C3orf22: variants seen among roughly 807,000 people sequenced by gnomAD.
C3orf22 encodes uncharacterized protein C3orf22.
Under a neutral mutation model 10.8 loss-of-function variants are expected in C3orf22, and 7 were observed. The ratio of observed to expected loss-of-function variants is 0.65; its 90% CI spans 0.37 to 1.22. The LOEUF (loss-of-function observed/expected upper bound fraction) is 1.22, where lower values mean the gene tolerates loss of function less well. Among genes scored for constraint, C3orf22 ranks in the 50% most tolerant of loss-of-function variants. The probability of loss-of-function intolerance (pLI) is 0.02; values close to 1 mark genes in which losing one functional copy is unlikely to be tolerated. For missense variants in C3orf22, 173 were observed against 177.0 expected (o/e 0.98, Z 0.13); for synonymous variants, 79 against 78.9 (o/e 1.00, Z 0.00).
chr3:126,542,275 G>T, intron 4 of C3orf22: 1 of 1,562,492 alleles, frequency 6.4e-7, no homozygotes. Flanking sequence ...GGCGTGAGGA[G>T]CCCTTCAACG....
intron 4 of C3orf22, chr3:126,542,278 C>T (rs1346628175): frequency 1.3e-6 from 2 of 1,563,956 alleles, no homozygotes; most frequent in Non-Finnish European, 1.7e-6. Flanking sequence ...GTGAGGAGCC[C>T]TTCAACGAGC....
downstream of C3orf22, among the ~76,000 whole-genome samples, chr3:126,546,243 A>C (rs977684285): frequency 2.0e-5 from 3 of 152,210 alleles, no homozygotes; most frequent in Non-Finnish European, 4.4e-5. Flanking sequence ...CCCTGGAAGC[A>C]GTCCTCACCT....
chr3:126,542,107 C>A (rs753465305), intron 4 of C3orf22: 1 of 1,581,210 alleles, frequency 6.3e-7, no homozygotes, highest in Non-Finnish European at 8.6e-7. Context: ...CGGCTTACCG[C>A]AACAAGCTCG....
chr3:126,529,005 C>T (rs11718493), intron 5 of C3orf22: 193,332 of 339,646 alleles, frequency 0.57, 57,737 homozygotes, highest in Middle Eastern at 0.69. Flanking sequence ...GGCTGCCCTG[C>T]TTATCTCCTC....
intron 1 of C3orf22, among the ~76,000 whole-genome samples, chr3:126,557,164 C>T (rs924293672): frequency 1.3e-5 from 2 of 152,132 alleles, no homozygotes; most frequent in African/African-American, 4.8e-5. Flanking sequence ...ATACACACCC[C>T]CACACACAGG....
intron 4 of C3orf22, among the ~76,000 whole-genome samples, chr3:126,530,250 C>G (rs1278413499): frequency 6.6e-6 from 1 of 152,252 alleles, no homozygotes; most frequent in East Asian, 1.9e-4. Flanking sequence ...CACAGCTATT[C>G]TGAGCCTCTC....
intron 4 of C3orf22, chr3:126,542,464 A>C (rs1343603132): frequency 6.3e-7 from 1 of 1,574,924 alleles, no homozygotes; most frequent in Non-Finnish European, 8.6e-7. Flanking sequence ...GCGACCTGGC[A>C]GCGCGCCTCT....
At chr3:126,536,260 T>C (rs944654873) in intron 4 of C3orf22, 3 of 1,612,588 alleles carry the variant, frequency 1.9e-6, no homozygotes, top group Non-Finnish European at 2.5e-6. Flanking sequence ...TCTCTCTCCT[T>C]ATGCCCACAG....
downstream of C3orf22, among the ~76,000 whole-genome samples, chr3:126,546,595 A>T (rs757234919): frequency 1.7e-4 from 26 of 152,282 alleles, no homozygotes; most frequent in Non-Finnish European, 2.5e-4. Flanking sequence ...GGGAGAAAGC[A>T]GCCATCTACA....
rs749127935 is a variant in C3orf22 at position 126,550,074 on chromosome 3, C to T, written c.220G>A (p.Gly74Arg). Reference protein sequence around the residue: ...PTRSIPVRGLGAPDFTSPSGS... With the variant: ...PTRSIPVRGLRAPDFTSPSGS... ...GACGGTGATGTAAAATCTGGAGCCC[C>T]GAGCCTAGAGAAGCCACACAGAGCC... Residue 74 changes from glycine (G) to arginine (R), a missense_variant, in exon 4 of 4, where the codon GGG (glycine) becomes AGG (arginine). Coordinates refer to ENST00000318225, the MANE Select transcript of C3orf22 (RefSeq NM_152533.3). 13 of 1,613,624 alleles carry T rather than the reference C, an allele frequency of 8.1e-6. No homozygotes were observed. Among genetic ancestry groups the T allele is most frequent in the South Asian group, 7.7e-5 (7 of 91,054 alleles).
At chr3:126,529,325 C>T (rs1270013246) in exon 5 of C3orf22, 1 of 1,289,382 alleles carries the variant, frequency 7.8e-7, no homozygotes, top group Admixed American at 2.3e-5. Flanking sequence ...TGCTCTCCTT[C>T]CCTGGGCTGG....
intron 4 of C3orf22, chr3:126,542,485 C>T: frequency 6.3e-7 from 1 of 1,582,612 alleles, no homozygotes. Flanking sequence ...TCCGGGACAT[C>T]AGCCCCTTCT....
chr3:126,545,614 CA>C (rs930162361), downstream of C3orf22, among the ~76,000 whole-genome samples: 13 of 152,306 alleles, frequency 8.5e-5, no homozygotes, highest in African/African-American at 2.9e-4. Flanking sequence ...CTGTGGGCTT[CA>C]GCAACGAGTA....
At position 126,554,321 on chromosome 3, in the gene C3orf22, T is replaced by C. The variant is rs1937276044; in HGVS notation, c.-40-891A>G. Among the ~76,000 whole-genome samples the C allele has an allele frequency of 2.7e-5, 4 of 147,226 alleles. No homozygotes were observed. The Admixed American group carries it at 2.8e-4, about 10-fold the overall frequency. ...CTCTCGTCCCCAGGCTGGAGTGCAA[T>C]GGCATGATCTTGGCTCACTGCAACC... On this transcript the variant is annotated intron_variant, in intron 1 of 3. Transcript: ENST00000318225.
intron 1 of C3orf22, among the ~76,000 whole-genome samples, 197 bp from the exon 2 acceptor site, chr3:126,553,627 C>A (rs1409305139): frequency 1.3e-5 from 2 of 152,208 alleles, no homozygotes; most frequent in Non-Finnish European, 2.9e-5. Flanking sequence ...CCTCACCAGA[C>A]GCTCTCCCCA....
At chr3:126,536,212 C>T in intron 4 of C3orf22, 1 of 1,505,268 alleles carries the variant, frequency 6.6e-7, no homozygotes, top group Non-Finnish European at 9.2e-7. Flanking sequence ...TGGCCAAACC[C>T]CCAGGTCCAT....
chr3:126,552,286 C>T, intron 2 of C3orf22, 164 bp from the exon 3 acceptor site: 1 of 650,252 alleles, frequency 1.5e-6, no homozygotes, highest in Middle Eastern at 7.9e-4. Context: ...GTGTTACCCA[C>T]ACTTTACAGA....
At chr3:126,546,856 C>T (rs1937078025), downstream of C3orf22, among the ~76,000 whole-genome samples, 1 of 152,200 alleles carries the variant, frequency 6.6e-6, no homozygotes, top group Admixed American at 6.5e-5. Context: ...TTGCCTCTCA[C>T]AAAAACTACT....
At chr3:126,555,845 G>T (rs1417553555) in intron 1 of C3orf22, among the ~76,000 whole-genome samples, 2 of 152,162 alleles carry the variant, frequency 1.3e-5, no homozygotes, top group Non-Finnish European at 2.9e-5. Flanking sequence ...GTCTCCGCAG[G>T]CTCCCCAGCC....
Sources: allele counts gnomAD v4.1 joint callset (sites outside exome capture counted in the v4.1 genomes callset), GRCh38; gene constraint gnomAD v4.1.1; transcripts MANE v1.5; gene names NCBI Gene and HGNC (gene_info 2026-07-23, HGNC 2026-07-21).